The following ASAH2B variants were observed in gnomAD, a reference collection of about 807,000 sequenced individuals.
ASAH2B encodes the protein putative inactive neutral ceramidase B.
A neutral mutation model predicts 2.9 loss-of-function variants in ASAH2B; 1 was observed. That is an observed-to-expected ratio of 0.34 (90% CI 0.12 to 1.63). ASAH2B has a LOEUF of 1.63. Among genes scored for constraint, ASAH2B ranks in the 40% most tolerant of loss-of-function variants. The pLI is 0.36. For synonymous variants in ASAH2B, 4 were observed against 13.3 expected (o/e 0.30, Z 1.52); for missense variants, 9 against 37.7 (o/e 0.24, Z 1.99).
rs932790747 is a variant in ASAH2B at position 50,758,776 on chromosome 10, T to A, written c.*4036T>A. The stretch of plus-strand genomic sequence containing the variant: ...TGAAACAATAATGAAGGCAAAGCTA[T>A]TCCCTGCCAAAAGGAACTTAGAGTT... On this transcript the variant is annotated 3_prime_UTR_variant, in exon 6 of 6. Transcript: ENST00000647317. 1.3e-5 allele frequency: 2 copies of A among 152,028 alleles called. No homozygotes were observed. The highest frequency in any genetic ancestry group is 4.8e-5 in the African/African-American group (2 of 41,434). The allele number at this position is 152,028 out of a possible 1,614,324, so 9.4% of individuals were successfully genotyped here. A position where few individuals can be genotyped will look rare whatever the true frequency, so the allele number is the denominator to read the frequency against.
chr10:50,741,985 G>A (rs1278138299), intron 1 of ASAH2B, among the ~76,000 whole-genome samples: 1 of 152,192 alleles, frequency 6.6e-6, no homozygotes, highest in Non-Finnish European at 1.5e-5. Context: ...TGAAGGCTGG[G>A]AGGAGGGAGA....
At chr10:50,744,887 G>A (rs1588929469) in intron 2 of ASAH2B, among the ~76,000 whole-genome samples, 1 of 151,384 alleles carries the variant, frequency 6.6e-6, no homozygotes. Flanking sequence ...TGTTGTCTAG[G>A]GGAATAAAAG....
In ASAH2B at chr10:50,755,785, G is replaced by C. The variant is rs1418929609; in HGVS notation, c.*1045G>C. 2.6e-5 allele frequency: 4 copies of C among 150,960 alleles called. No individual in the cohort carries two copies. The highest frequency in any genetic ancestry group is 6.7e-5 in the Admixed American group (1 of 14,998). The allele number at this position is 150,960 out of a possible 1,614,324, so 9.4% of individuals were successfully genotyped here. On this transcript the variant is annotated 3_prime_UTR_variant, in exon 6 of 6. Coordinates refer to ENST00000647317, the MANE Select transcript of ASAH2B (RefSeq NM_001321958.2). ...TGATAATTAGTGAATTTGTACTTGG[G>C]GTGAATGTGTAAGTGTCAAAAGGTA...
Position 50,757,955 on chromosome 10 carries a change from T to C in ASAH2B, c.*3215T>C, listed in dbSNP as rs1837128779. The C allele has an allele frequency of 6.6e-6, 1 of 151,332 alleles. No homozygotes were observed. The highest frequency in any genetic ancestry group is 6.6e-5 in the Admixed American group (1 of 15,152). The allele number at this position is 151,332 out of a possible 1,614,324, so 9.4% of individuals were successfully genotyped here. The stretch of plus-strand genomic sequence containing the variant: ...GACTTAATTCTTAGGCTTATCCTCT[T>C]AGCTAAAAGATCGCTACCTCAAGTC... On this transcript the variant is annotated 3_prime_UTR_variant, in exon 6 of 6. Transcript: ENST00000647317.
rs61180777 is a variant in ASAH2B at position 50,754,891 on chromosome 10, GGT to G, written c.*196_*197del. The G allele has an allele frequency of 0.034, 7,127 of 207,956 alleles. 101 individuals are homozygous for G. Among genetic ancestry groups the G allele is most frequent in the African/African-American group, 0.08 (1,873 of 23,520 alleles). The allele number at this position is 207,956 out of a possible 1,614,324, so 12.9% of individuals were successfully genotyped here. ...TAGTTTACTGCTAATGGGGTGGAGG[GGT>G]GTGTGTGTGTGTGTGTGTGTGTGTG... On this transcript the variant is annotated 3_prime_UTR_variant, in exon 6 of 6. Transcript: ENST00000647317.
intron 3 of ASAH2B, among the ~76,000 whole-genome samples, chr10:50,746,774 T>A (rs1324716818): frequency 1.3e-5 from 2 of 151,222 alleles, no homozygotes; most frequent in Admixed American, 1.3e-4. Flanking sequence ...TTTAAAAAAA[T>A]ACCCTGTTGA....
At chr10:50,744,025 A>G (rs2132720795) in intron 2 of ASAH2B, among the ~76,000 whole-genome samples, 1 of 150,486 alleles carries the variant, frequency 6.6e-6, no homozygotes, top group South Asian at 2.1e-4. Context: ...TAATCAATTG[A>G]TATTTATTTT....
Position 50,747,806 on chromosome 10 carries a change from A to T in ASAH2B, c.145-1537A>T, listed in dbSNP as rs558026092. Among the ~76,000 whole-genome samples the T allele has an allele frequency of 5.1e-4, 78 of 151,996 alleles. 1 individual carries two copies. The highest frequency in any genetic ancestry group is 1.8e-3 in the African/African-American group (73 of 41,500). On this transcript the variant is annotated intron_variant, in intron 3 of 5. Transcript: ENST00000647317. ...GAATTTGATTTGCTGATATATTGTA[A>T]GGAGTTTTCTACTCATGTCCATGAG...
chr10:50,741,055 T>G lies in ASAH2B; in HGVS notation c.-100+1072T>G, dbSNP rs146446047. On this transcript the variant is annotated intron_variant, in intron 1 of 5. Coordinates refer to ENST00000647317, the MANE Select transcript of ASAH2B (RefSeq NM_001321958.2). ...TTAAGTTAGGAAACCACTTCATTAG[T>G]CCAGTTGATACCTAGGTCTGAGCTG... Among the ~76,000 whole-genome samples the G allele has an allele frequency of 1.7e-3, 263 of 152,378 alleles. 1 individual carries two copies. Among genetic ancestry groups the G allele is most frequent in the African/African-American group, 6.1e-3 (252 of 41,590 alleles).
rs1040508888 is a variant in ASAH2B, at chr10:50,757,408, T to C, written c.*2668T>C. 5.9e-5 allele frequency: 9 copies of C among 151,772 alleles called. No homozygotes were observed. The highest frequency in any genetic ancestry group is 1.2e-4 in the Non-Finnish European group (8 of 67,794). 9.4% of individuals were successfully genotyped at this position (151,772 alleles called of 1,614,324 possible). On this transcript the variant is annotated 3_prime_UTR_variant, in exon 6 of 6. Coordinates refer to ENST00000647317, the MANE Select transcript of ASAH2B (RefSeq NM_001321958.2). ...CATGTATGGTTGGCATTTCTTTTAT[T>C]TTCTTTCTCTTTTTTACTAGTTGGG...
chr10:50,744,343 T>G (rs1301197824), intron 2 of ASAH2B, among the ~76,000 whole-genome samples: 1 of 151,586 alleles, frequency 6.6e-6, no homozygotes. Flanking sequence ...ACCTTAAAAC[T>G]AGCTATGTGA....
rs1435999116 is a variant in ASAH2B at position 50,756,477 on chromosome 10, A to G, written c.*1737A>G. On this transcript the variant is annotated 3_prime_UTR_variant, in exon 6 of 6. Coordinates refer to ENST00000647317, the MANE Select transcript of ASAH2B (RefSeq NM_001321958.2). Reference sequence around the variant, plus strand: ...TCCTGAAAGTAGCTGATTCCAGACAAGAAAATTATATTAGAACTCATGATA... The same window carrying G: ...TCCTGAAAGTAGCTGATTCCAGACAGGAAAATTATATTAGAACTCATGATA... The G allele has an allele frequency of 6.6e-6, 1 of 152,008 alleles. No individual in the cohort carries two copies. The highest frequency in any genetic ancestry group is 2.4e-5 in the African/African-American group (1 of 41,440). The allele number at this position is 152,008 out of a possible 1,614,324, so 9.4% of individuals were successfully genotyped here.
At chr10:50,744,820 C>T (rs560072800) in intron 2 of ASAH2B, 7 of 414,260 alleles carry the variant, frequency 1.7e-5, no homozygotes, top group East Asian at 1.4e-4. Context: ...GGCCCCTGTA[C>T]AAGGTCAGAC....
rs1378170473 is a variant in ASAH2B, at chr10:50,756,711, A to C, written c.*1971A>C. The C allele has an allele frequency of 3.3e-5, 5 of 152,008 alleles. No individual in the cohort carries two copies. The highest frequency in any genetic ancestry group is 5.9e-5 in the Non-Finnish European group (4 of 67,918). 9.4% of individuals were successfully genotyped at this position (152,008 alleles called of 1,614,324 possible). On this transcript the variant is annotated 3_prime_UTR_variant, in exon 6 of 6. Coordinates refer to ENST00000647317, the MANE Select transcript of ASAH2B (RefSeq NM_001321958.2). ...ATAACGCACAGAAACCTATTTTCTC[A>C]CCAGCTGTCATTTCTTCTAGGGCAT...
intron 3 of ASAH2B, among the ~76,000 whole-genome samples, chr10:50,746,321 A>G (rs976809293): frequency 6.6e-6 from 1 of 151,416 alleles, no homozygotes; most frequent in Non-Finnish European, 1.5e-5. Flanking sequence ...GTTGTATCAA[A>G]TGTAAGGATC....
Position 50,754,918 on chromosome 10 carries a change from G to C in ASAH2B, c.*178G>C. 2.9e-6 allele frequency: 1 copy of C among 348,730 alleles called. No individual in the cohort carries two copies. Among genetic ancestry groups the C allele is most frequent in the Non-Finnish European group, 5.4e-6 (1 of 184,048 alleles). The allele number at this position is 348,730 out of a possible 1,614,324, so 21.6% of individuals were successfully genotyped here. ...TGTGTGTGTGTGTGTGTGTGTGTGT[G>C]TGTGTGTGTGTGTGTGTGTATGTGA... On this transcript the variant is annotated 3_prime_UTR_variant, in exon 6 of 6. Transcript: ENST00000647317.
At chr10:50,748,763 C>T (rs1259712316) in intron 3 of ASAH2B, among the ~76,000 whole-genome samples, 3 of 150,426 alleles carry the variant, frequency 2.0e-5, no homozygotes, top group African/African-American at 7.5e-5. Context: ...TGCCGTGGCC[C>T]GTAAACTGAT....
At position 50,757,229 on chromosome 10, in the gene ASAH2B, T is replaced by A. The variant is rs1278709869; in HGVS notation, c.*2489T>A. The A allele has an allele frequency of 6.6e-6, 1 of 151,380 alleles. No individual in the cohort carries two copies. The highest frequency in any genetic ancestry group is 1.5e-5 in the Non-Finnish European group (1 of 67,636). 9.4% of individuals were successfully genotyped at this position (151,380 alleles called of 1,614,324 possible). ...AGGTAATGTAGACAAACGAACACTT[T>A]TTTAAAAAAAGAGGTGGAACAAAAG... On this transcript the variant is annotated 3_prime_UTR_variant, in exon 6 of 6. Coordinates refer to ENST00000647317, the MANE Select transcript of ASAH2B (RefSeq NM_001321958.2).
rs562977442 is a variant in ASAH2B, at chr10:50,746,172, T to C, written c.144+898T>C. ...CCCTAACCTCCTAGCCCCTGGTAAC[T>C]AACCTTCTGCCAACATTCTACTCTC... On this transcript the variant is annotated intron_variant, in intron 3 of 5. Coordinates refer to ENST00000647317, the MANE Select transcript of ASAH2B (RefSeq NM_001321958.2). 2.6e-5 allele frequency among the ~76,000 whole-genome samples: 4 copies of C among 151,656 alleles called. No individual in the cohort carries two copies. The South Asian group carries it at 8.3e-4, about 31-fold the overall frequency.
Sources: gnomAD v4.1 joint callset for allele counts (sites outside exome capture counted in the v4.1 genomes callset) on GRCh38, gnomAD v4.1.1 for gene constraint, MANE v1.5 for transcripts, NCBI Gene and HGNC (gene_info 2026-07-23, HGNC 2026-07-21) for gene names.